Variants in PCDHGA9 observed in about 807,000 individuals in gnomAD.
PCDHGA9 encodes the protein protocadherin gamma-A9.
A neutral mutation model predicts 62.5 loss-of-function variants in PCDHGA9; 37 were observed. That is an observed-to-expected ratio of 0.59 (90% CI 0.46 to 0.78). The LOEUF is 0.78. Among genes scored for constraint, PCDHGA9 ranks in the 30% least tolerant of loss-of-function variants. PCDHGA9 has a pLI of 0.00. For synonymous variants in PCDHGA9, 459 were observed against 484.6 expected (o/e 0.95, Z 0.69); for missense variants, 1,138 against 1,166.2 (o/e 0.98, Z 0.35).
chr5:141,414,486 AACGG>A, intron 1 of PCDHGA9: 1 of 1,613,938 alleles, frequency 6.2e-7, no homozygotes, highest in Non-Finnish European at 8.5e-7. Flanking sequence ...CTCCTCTATC[AACGG>A]AAGCTCACTT....
chr5:141,430,521 A>G, intron 1 of PCDHGA9: 1 of 350,390 alleles, frequency 2.9e-6, no homozygotes, highest in Non-Finnish European at 5.1e-6. Context: ...TTGTGCAGTA[A>G]TTGGTTAGGA....
chr5:141,489,491 T>C lies in PCDHGA9; in HGVS notation c.2425-5316T>C. On this transcript the variant is annotated intron_variant, in intron 1 of 3. Transcript: ENST00000573521. This position sits in a 1 kb window ranked among gnomAD's most constrained non-coding sequence, Gnocchi z 4.5. ...TCCCTGAGCTTGATGAGTGGTGCCC[T>C]GGCAGTGAATCAAAAGATTGACCGA... The C allele has an allele frequency of 6.2e-7, 1 of 1,614,066 alleles. No individual in the cohort carries two copies. The highest frequency in any genetic ancestry group is 8.5e-7 in the Non-Finnish European group (1 of 1,180,024).
At chr5:141,429,912 A>G (rs1341795921) in intron 1 of PCDHGA9, among the ~76,000 whole-genome samples, 2 of 152,234 alleles carry the variant, frequency 1.3e-5, no homozygotes, top group Admixed American at 1.3e-4. Flanking sequence ...TTGAAATATA[A>G]TGTATTAATA....
chr5:141,410,086 G>A (rs759204005), intron 1 of PCDHGA9: 3 of 1,612,588 alleles, frequency 1.9e-6, no homozygotes, highest in Non-Finnish European at 2.5e-6. Flanking sequence ...AGGTGCGCAC[G>A]GCTCGAGCCT....
At chr5:141,415,647 A>C in intron 1 of PCDHGA9, 2 of 1,599,602 alleles carry the variant, frequency 1.3e-6, no homozygotes, top group Non-Finnish European at 1.7e-6. Context: ...TTGTTAAAAA[A>C]AAAAAGATTG....
At chr5:141,419,747 C>T (rs1322393151) in intron 1 of PCDHGA9, 3 of 1,613,840 alleles carry the variant, frequency 1.9e-6, no homozygotes, top group Admixed American at 1.7e-5. Context: ...GCGCATGGTG[C>T]GTGCTTTGGG....
In PCDHGA9 at chr5:141,489,681, A is replaced by T; in HGVS notation, c.2425-5126A>T. ...AGATGCGCATCTCAGAATCAGCAGC[A>T]TCTGGGGCACGATTCCCACTGGACA... On this transcript the variant is annotated intron_variant, in intron 1 of 3. Transcript: ENST00000573521. This position sits in a 1 kb window ranked among gnomAD's most constrained non-coding sequence, Gnocchi z 4.5. 1 of 1,614,174 alleles carries T rather than the reference A, an allele frequency of 6.2e-7. No individual in the cohort carries two copies. The highest frequency in any genetic ancestry group is 8.5e-7 in the Non-Finnish European group (1 of 1,180,010).
intron 1 of PCDHGA9, chr5:141,428,113 T>G: frequency 3.7e-6 from 6 of 1,607,492 alleles, no homozygotes; most frequent in Non-Finnish European, 5.1e-6. Context: ...CTGCAGGCCA[T>G]CGAGCCCGGG....
rs200254467 is a variant in PCDHGA9 at position 141,419,887 on chromosome 5, C to T, written c.2424+14511C>T. 380 of 1,614,050 alleles carry T rather than the reference C, an allele frequency of 2.4e-4. 1 individual carries two copies. The Admixed American group carries it at 2.6e-3, about 11-fold the overall frequency. ...TGCAAGAGGTACTGCCGGATTTCAGCGACCATCCCACACCCTCTGACTCCC... is the reference window on the plus strand; with the variant it reads ...TGCAAGAGGTACTGCCGGATTTCAGTGACCATCCCACACCCTCTGACTCCC... On this transcript the variant is annotated intron_variant, in intron 1 of 3. Transcript: ENST00000573521.
intron 1 of PCDHGA9, among the ~76,000 whole-genome samples, chr5:141,430,390 A>G (rs1231067120): frequency 6.6e-6 from 1 of 152,216 alleles, no homozygotes; most frequent in Non-Finnish European, 1.5e-5. Flanking sequence ...TGGGAAAAAA[A>G]AAAAAAGCTC....
intron 1 of PCDHGA9, chr5:141,433,047 C>G: frequency 1.9e-6 from 3 of 1,614,164 alleles, no homozygotes; most frequent in Non-Finnish European, 2.5e-6. Context: ...ACCACGGACT[C>G]GCGGAAGAGT....
At chr5:141,444,804 A>G (rs140326088) in intron 1 of PCDHGA9, among the ~76,000 whole-genome samples, 1 of 152,250 alleles carries the variant, frequency 6.6e-6, no homozygotes, top group Non-Finnish European at 1.5e-5. Flanking sequence ...TCTTTTACTA[A>G]TAGCACACTG....
intron 3 of PCDHGA9, among the ~76,000 whole-genome samples, chr5:141,507,521 C>G (rs2099861196): frequency 6.6e-6 from 1 of 151,972 alleles, no homozygotes; most frequent in African/African-American, 2.4e-5. Flanking sequence ...GGCTATGATT[C>G]CAGAGAGGCC....
rs779871354 is a variant in PCDHGA9 at position 141,428,131 on chromosome 5, G to A, written c.2424+22755G>A. 8.7e-6 allele frequency: 14 copies of A among 1,602,720 alleles called. No homozygotes were observed. The South Asian group carries it at 1.5e-4, about 18-fold the overall frequency. On this transcript the variant is annotated intron_variant, in intron 1 of 3. Transcript: ENST00000573521. ...CAGGCCATCGAGCCCGGGCTTTTCA[G>A]CCTGGGGCTGCACACGGGAACCTGC...
chr5:141,499,122 A>G (rs971741957), intron 2 of PCDHGA9, among the ~76,000 whole-genome samples: 3 of 152,140 alleles, frequency 2.0e-5, no homozygotes, highest in African/African-American at 7.2e-5. Context: ...ATCCCTTCTC[A>G]GGTCATCCTT....
At position 141,432,595 on chromosome 5, in the gene PCDHGA9, C is replaced by G; in HGVS notation, c.2424+27219C>G. 6.2e-7 allele frequency: 1 copy of G among 1,613,756 alleles called. No individual in the cohort carries two copies. Among genetic ancestry groups the G allele is most frequent in the Admixed American group, 1.7e-5 (1 of 60,018 alleles). ...TGTCCTACCGTCTGCTCAAGGCCAG[C>G]GAGCCGGGACTCTTCTCGGTGGGTC... On this transcript the variant is annotated intron_variant, in intron 1 of 3. Transcript: ENST00000573521. This position sits in a 1 kb window ranked among gnomAD's most constrained non-coding sequence, Gnocchi z 6.0.
At chr5:141,424,171 C>A in intron 1 of PCDHGA9, 1 of 226,338 alleles carries the variant, frequency 4.4e-6, no homozygotes, top group Non-Finnish European at 8.0e-6. Flanking sequence ...ATCTATCTAT[C>A]TATACACATG....
At position 141,489,264 on chromosome 5, in the gene PCDHGA9, G is replaced by T. The variant is rs1314393358; in HGVS notation, c.2425-5543G>T. 10 of 1,553,088 alleles carry T rather than the reference G, an allele frequency of 6.4e-6. No individual in the cohort carries two copies. Among genetic ancestry groups the T allele is most frequent in the Non-Finnish European group, 7.0e-6 (8 of 1,149,620 alleles). ...TCATGGGGCCCAAGACACTCCCACA[G>T]CTCGCTGGGAAATGGCAAGTGCTGT... On this transcript the variant is annotated intron_variant, in intron 1 of 3. Transcript: ENST00000573521. The surrounding 1 kb of genome is among the most constrained non-coding windows in gnomAD (Gnocchi z 4.5).
intron 1 of PCDHGA9, chr5:141,416,864 G>C (rs2096066198): frequency 6.6e-6 from 1 of 151,862 alleles, no homozygotes; most frequent in Admixed American, 6.6e-5. Flanking sequence ...TTTCAGGTCA[G>C]TCAACATTTG....
Sources: gnomAD v4.1 joint callset for allele counts (sites outside exome capture counted in the v4.1 genomes callset) on GRCh38, gnomAD v4.1.1 for gene constraint, Gnocchi (gnomAD v3.1) non-coding constraint, MANE v1.5 for transcripts, NCBI Gene and HGNC (gene_info 2026-07-23, HGNC 2026-07-21) for gene names.